The following LAMA1 variants were observed in gnomAD, a reference collection of about 807,000 sequenced individuals.
LAMA1 encodes the protein laminin subunit alpha-1.
LAMA1 carries 219 observed loss-of-function variants against 348.7 expected under a neutral mutation model. The ratio of observed to expected loss-of-function variants is 0.63; its 90% CI spans 0.56 to 0.70. The LOEUF (loss-of-function observed/expected upper bound fraction) is 0.70, where lower values mean the gene tolerates loss of function less well. Among genes scored for constraint, LAMA1 ranks in the 30% least tolerant of loss-of-function variants. The probability of loss-of-function intolerance (pLI) is 0.00; values close to 1 mark genes in which losing one functional copy is unlikely to be tolerated. For missense variants in LAMA1, 3,744 were observed against 3,888.0 expected (o/e 0.96, Z 0.99); for synonymous variants, 1,487 against 1,491.0 (o/e 1.00, Z 0.06).
chr18:7,045,953 CTT>C (rs77576027), intron 6 of LAMA1, among the ~76,000 whole-genome samples: 14 of 142,814 alleles, frequency 9.8e-5, no homozygotes, highest in East Asian at 2.0e-4. Flanking sequence ...TATAATTGCA[CTT>C]TTTTTTTTTT....
chr18:6,961,373 C>T lies in LAMA1; in HGVS notation c.7626+213G>A, dbSNP rs1421509202. Reference sequence around the variant, plus strand: ...CAGCAAATAACTTTTTCCTCAGTCACCAGACAATGAAGATGGATTATGCAA... The same window carrying T: ...CAGCAAATAACTTTTTCCTCAGTCATCAGACAATGAAGATGGATTATGCAA... On this transcript the variant is annotated intron_variant, in intron 53 of 62. Transcript: ENST00000389658. Among the ~76,000 whole-genome samples the T allele has an allele frequency of 2.0e-5, 3 of 152,112 alleles. No individual in the cohort carries two copies. The East Asian group carries it at 5.8e-4, about 29-fold the overall frequency.
Position 7,037,652 on chromosome 18 carries a change from T to C in LAMA1, c.1663A>G (p.Asn555Asp). The C allele has an allele frequency of 6.2e-7, 1 of 1,614,170 alleles. No homozygotes were observed. The change falls in exon 12 of 63, where the codon AAC becomes GAC. Residue 555 changes from asparagine (N) to aspartate (D), a missense_variant. Transcript: ENST00000389658. ...AGTCTCTGCATGACCGCGGTGTTGT[T>C]GATGCTGACCTGATGGCGCCCGCCT... ...ALGGRHQVSINNTAVMQRLAP... is the reference protein window; with the variant it reads ...ALGGRHQVSIDNTAVMQRLAP...
chr18:7,036,397 G>A (rs143379941), intron 12 of LAMA1, among the ~76,000 whole-genome samples: 28 of 152,248 alleles, frequency 1.8e-4, no homozygotes, highest in African/African-American at 3.1e-4. Flanking sequence ...TATTTACTTC[G>A]GTTAAGTAAT....
chr18:6,994,664 A>G (rs1277174384), intron 34 of LAMA1, among the ~76,000 whole-genome samples: 1 of 149,752 alleles, frequency 6.7e-6, no homozygotes, highest in East Asian at 2.0e-4. Flanking sequence ...ATACACCATC[A>G]CAGTACAGAC....
At chr18:6,987,883 C>A (rs558812062) in intron 36 of LAMA1, among the ~76,000 whole-genome samples, 2 of 152,262 alleles carry the variant, frequency 1.3e-5, no homozygotes, top group Non-Finnish European at 2.9e-5. Flanking sequence ...CAAATAAACC[C>A]AATATATTTC....
intron 3 of LAMA1, among the ~76,000 whole-genome samples, chr18:7,069,310 T>A (rs139234410): frequency 4.6e-4 from 70 of 152,334 alleles, no homozygotes; most frequent in African/African-American, 1.6e-3. Flanking sequence ...GAACAGTATG[T>A]GCATTCCTGT....
intron 33 of LAMA1, among the ~76,000 whole-genome samples, chr18:6,995,734 T>A (rs1049799860): frequency 1.4e-4 from 21 of 152,194 alleles, no homozygotes; most frequent in African/African-American, 4.1e-4. Flanking sequence ...TCTGGCTTTA[T>A]CTCAATAGCA....
At chr18:6,977,985 ACAAT>A in intron 43 of LAMA1, 104 bp from the exon 44 acceptor site, 1 of 1,345,500 alleles carries the variant, frequency 7.4e-7, no homozygotes, top group Non-Finnish European at 1.0e-6. Context: ...CAACACCCTA[ACAAT>A]CAAAGCCATG....
At position 7,055,948 on chromosome 18, in the gene LAMA1, C is replaced by T. The variant is rs555076492; in HGVS notation, c.346-5012G>A. ...ACAAAAAATTAGCTGGGCGTGGTGG[C>T]GGACGCCTGTAGTCCCAGCTACTCG... On this transcript the variant is annotated intron_variant, in intron 3 of 62. Coordinates refer to ENST00000389658, the MANE Select transcript of LAMA1 (RefSeq NM_005559.4). 4.6e-5 allele frequency among the ~76,000 whole-genome samples: 7 copies of T among 152,062 alleles called. No homozygotes were observed. The East Asian group carries it at 7.8e-4, about 17-fold the overall frequency.
At chr18:7,109,984 C>T (rs1266254047) in intron 1 of LAMA1, among the ~76,000 whole-genome samples, 1 of 152,126 alleles carries the variant, frequency 6.6e-6, no homozygotes, top group Non-Finnish European at 1.5e-5. Context: ...GAGATCGAGA[C>T]CATCCTGGCC....
chr18:6,953,349 A>G (rs1251560355), intron 57 of LAMA1, among the ~76,000 whole-genome samples: 1 of 152,272 alleles, frequency 6.6e-6, no homozygotes, highest in African/African-American at 2.4e-5. Flanking sequence ...GAGGCACAAG[A>G]GGAGTGATGC....
At chr18:7,099,060 A>G (rs577880971) in intron 1 of LAMA1, among the ~76,000 whole-genome samples, 3 of 151,968 alleles carry the variant, frequency 2.0e-5, no homozygotes, top group African/African-American at 7.2e-5. Context: ...GAGAAATCGG[A>G]TGGTTGCCGT....
At chr18:6,957,396 CAT>C (rs1008462178) in intron 55 of LAMA1, 1 of 155,918 alleles carries the variant, frequency 6.4e-6, no homozygotes, top group Non-Finnish European at 1.4e-5. Context: ...GGGGAATAAA[CAT>C]AAACCTGTGC....
chr18:7,007,535 T>C (rs1375819652), intron 28 of LAMA1, among the ~76,000 whole-genome samples: 1 of 149,552 alleles, frequency 6.7e-6, no homozygotes, highest in African/African-American at 2.5e-5. Context: ...CTGGTGAGAA[T>C]GGAAAATGGC....
At chr18:6,952,979 CGG>C (rs2057555213) in intron 57 of LAMA1, among the ~76,000 whole-genome samples, 3 of 117,104 alleles carry the variant, frequency 2.6e-5, no homozygotes, top group African/African-American at 3.6e-5. Context: ...CTGTGTCCGG[CGG>C]ATCCACGCCA....
chr18:7,036,850 T>TAAAAC lies in LAMA1; in HGVS notation c.1737+723_1737+727dup, dbSNP rs199883880. ...CTAGCATGCCTGTATGCCATTACTT[T>TAAAAC]AAAACAAAACAAAACCAAAAACCCG... On this transcript the variant is annotated intron_variant, in intron 12 of 62. Coordinates refer to ENST00000389658, the MANE Select transcript of LAMA1 (RefSeq NM_005559.4). Among the ~76,000 whole-genome samples, 224 of 150,908 alleles carry TAAAAC rather than the reference T, an allele frequency of 1.5e-3. 1 individual carries two copies. The highest frequency in any genetic ancestry group is 5.4e-3 in the African/African-American group (216 of 40,282).
chr18:6,965,913 T>C (rs781153524), intron 49 of LAMA1: 59 of 538,472 alleles, frequency 1.1e-4, no homozygotes, highest in Non-Finnish European at 1.8e-4. Flanking sequence ...AGAAGGCTAG[T>C]TTCTACTTGG....
chr18:7,048,086 C>G (rs1314987098), intron 5 of LAMA1, among the ~76,000 whole-genome samples: 1 of 152,058 alleles, frequency 6.6e-6, no homozygotes, highest in East Asian at 1.9e-4. Flanking sequence ...TAAGCAAACA[C>G]CAAGTAGAAC....
At chr18:7,043,097 A>T (rs979509850) in intron 8 of LAMA1, 130 bp downstream of exon 8, 1 of 844,448 alleles carries the variant, frequency 1.2e-6, no homozygotes, top group African/African-American at 1.7e-5. Flanking sequence ...ATATAAAAAC[A>T]CTACTGGCAT....
Sources: gnomAD v4.1 joint callset for allele counts (sites outside exome capture counted in the v4.1 genomes callset) on GRCh38, gnomAD v4.1.1 for gene constraint, MANE v1.5 for transcripts, NCBI Gene and HGNC (gene_info 2026-07-23, HGNC 2026-07-21) for gene names.